The following ADCY1 variants were observed in gnomAD, a reference collection of about 807,000 sequenced individuals.
ADCY1 encodes the protein adenylate cyclase 1, also known as adenylate cyclase type 1.
ADCY1 carries 28 observed loss-of-function variants against 105.4 expected under a neutral mutation model. That is an observed-to-expected ratio of 0.27 (90% confidence interval 0.20 to 0.36). ADCY1 has a LOEUF of 0.36. ADCY1 is among the 10% of genes least tolerant of loss of function. ADCY1 has a pLI of 1.00. For synonymous variants in ADCY1, 655 were observed against 623.8 expected, an observed-to-expected ratio of 1.05 and a Z score of -0.75; for missense variants, 977 against 1,434.2, an observed-to-expected ratio of 0.68 and a Z score of 5.15.
intron 14 of ADCY1, among the ~76,000 whole-genome samples, chr7:45,688,591 G>T (rs1403227051): frequency 6.6e-6 from 1 of 152,220 alleles, no homozygotes; most frequent in Non-Finnish European, 1.5e-5. Context: ...TATTTAAAGT[G>T]ATGGAAATTA....
rs555277758 is a variant in ADCY1, at chr7:45,581,833, A to T, written c.639+6651A>T. Among the ~76,000 whole-genome samples the T allele has an allele frequency of 9.2e-5, 14 of 152,270 alleles. No homozygotes were observed. In the East Asian group the frequency reaches 1.5e-3, roughly 17 times the overall value. Reference sequence around the variant, plus strand: ...TGCTCATGCATAAACACATGCTCATACACACACATAAACACACACACATAC... The same window carrying T: ...TGCTCATGCATAAACACATGCTCATTCACACACATAAACACACACACATAC... On this transcript the variant is annotated intron_variant, in intron 1 of 19. Coordinates refer to ENST00000297323, the MANE Select transcript of ADCY1 (RefSeq NM_021116.4).
At chr7:45,689,884 C>T (rs761090825) in intron 14 of ADCY1, among the ~76,000 whole-genome samples, 17 of 152,252 alleles carry the variant, frequency 1.1e-4, no homozygotes, top group Middle Eastern at 3.4e-3. Context: ...GGGAAAGGGA[C>T]GAGGAACATG....
chr7:45,682,450 G>A (rs1784577744), intron 11 of ADCY1, among the ~76,000 whole-genome samples: 2 of 152,130 alleles, frequency 1.3e-5, no homozygotes, highest in African/African-American at 4.8e-5. Flanking sequence ...CAGGAGGTGT[G>A]CACTGGCTGG....
intron 1 of ADCY1, among the ~76,000 whole-genome samples, chr7:45,578,901 G>C (rs1792433121): frequency 6.6e-6 from 1 of 152,188 alleles, no homozygotes; most frequent in Non-Finnish European, 1.5e-5. Flanking sequence ...GAAGTAGTAG[G>C]GATCCATTGC....
intron 5 of ADCY1, among the ~76,000 whole-genome samples, chr7:45,650,360 A>G (rs1411686350): frequency 6.6e-6 from 1 of 152,138 alleles, no homozygotes; most frequent in Non-Finnish European, 1.5e-5. Flanking sequence ...ATCATATGCT[A>G]TTTGTGTGTA....
chr7:45,672,471 TTTCTTCGA>T (rs1784384973), intron 8 of ADCY1, among the ~76,000 whole-genome samples: 2 of 152,258 alleles, frequency 1.3e-5, no homozygotes, highest in South Asian at 4.1e-4. Context: ...TTATTTAGAT[TTTCTTCGA>T]TTCCTTACAT....
At chr7:45,683,029 G>A (rs1318222454) in intron 11 of ADCY1, among the ~76,000 whole-genome samples, 2 of 152,052 alleles carry the variant, frequency 1.3e-5, no homozygotes, top group African/African-American at 2.4e-5. Context: ...ATCATCTCCC[G>A]AAGTGCCACA....
At chr7:45,687,623 GTCT>G (rs1348362545) in intron 14 of ADCY1, among the ~76,000 whole-genome samples, 1 of 152,238 alleles carries the variant, frequency 6.6e-6, no homozygotes, top group Admixed American at 6.5e-5. Context: ...GCAAGAGATA[GTCT>G]TCTTATTTTG....
At chr7:45,685,838 G>C (rs1215398548) in intron 12 of ADCY1, 124 bp from the exon 13 acceptor site, 1 of 1,221,958 alleles carries the variant, frequency 8.2e-7, no homozygotes, top group Non-Finnish European at 1.1e-6. Flanking sequence ...TGGTGTGATA[G>C]CACTGGGGGT....
chr7:45,704,945 A>AC (rs1262947928), intron 17 of ADCY1, among the ~76,000 whole-genome samples: 1 of 16,564 alleles, frequency 6.0e-5, no homozygotes, highest in Non-Finnish European at 1.3e-4. Context: ...ACCAGCCCCC[A>AC]CCTTCCTCCC....
At chr7:45,682,490 G>C (rs527917922) in intron 11 of ADCY1, among the ~76,000 whole-genome samples, 1 of 152,064 alleles carries the variant, frequency 6.6e-6, no homozygotes, top group Non-Finnish European at 1.5e-5. Context: ...GGGGCAGGCC[G>C]AGGTCAAGGC....
rs1584253533 is a variant in ADCY1, at chr7:45,591,977, T to C, written c.640-782T>C. 6.6e-6 allele frequency among the ~76,000 whole-genome samples: 1 copy of C among 152,044 alleles called. No homozygotes were observed. Among genetic ancestry groups the C allele is most frequent in the Non-Finnish European group, 1.5e-5 (1 of 68,028 alleles). ...AAGGGAGAGTGCAGAGACCGGGCTC[T>C]GGACACTGCGTTTCCCCATCTTGTG... On this transcript the variant is annotated intron_variant, in intron 1 of 19. Transcript: ENST00000297323. This position sits in a 1 kb window ranked among gnomAD's most constrained non-coding sequence, Gnocchi z 4.1.
At chr7:45,596,054 C>T (rs889229953) in intron 2 of ADCY1, among the ~76,000 whole-genome samples, 2 of 152,232 alleles carry the variant, frequency 1.3e-5, no homozygotes, top group African/African-American at 4.8e-5. Flanking sequence ...TACACAGGCA[C>T]TTTGCCCCTC....
chr7:45,669,262 C>T (rs1319012327), intron 8 of ADCY1, among the ~76,000 whole-genome samples: 1 of 152,108 alleles, frequency 6.6e-6, no homozygotes, highest in African/African-American at 2.4e-5. Flanking sequence ...CTCTTGTGGA[C>T]ATTTAGTGCT....
intron 14 of ADCY1, among the ~76,000 whole-genome samples, chr7:45,690,260 G>A (rs376151895): frequency 6.6e-6 from 1 of 152,118 alleles, no homozygotes; most frequent in Non-Finnish European, 1.5e-5. Context: ...GGCTGAGAGC[G>A]GAGGGCACAC....
chr7:45,629,212 A>G (rs1212387808), intron 4 of ADCY1, among the ~76,000 whole-genome samples: 1 of 152,196 alleles, frequency 6.6e-6, no homozygotes, highest in African/African-American at 2.4e-5. Context: ...AGCAATATGT[A>G]CTCTACATTG....
In ADCY1 at chr7:45,713,871, G is replaced by C. The variant is rs1785313045; in HGVS notation, c.3236G>C (p.Arg1079Thr). Residue 1079 changes from arginine (R) to threonine (T), a missense_variant, in exon 20 of 20, where the codon AGA becomes ACA. Arg to Thr is a moderately conservative substitution (Grantham distance 71). This residue lies in a region of ADCY1 where 78 missense variants were observed against 60.0 expected (regional missense o/e 1.30). Coordinates refer to ENST00000297323, the MANE Select transcript of ADCY1 (RefSeq NM_021116.4). ...GATCGGAAAATGTGTCCATTTGGGA[G>C]AGCTGGCCTTCAGGGCAGACGTCCC... ...GLDRKMCPFG[R>T]AGLQGRRPPV... 1 of 780,708 alleles carries C rather than the reference G, an allele frequency of 1.3e-6. No homozygotes were observed. Among genetic ancestry groups the C allele is most frequent in the African/African-American group, 1.7e-5 (1 of 59,172 alleles). The allele number at this position is 780,708 out of a possible 1,614,324, so 48.4% of individuals were successfully genotyped here. A position where few individuals can be genotyped will look rare whatever the true frequency, so the allele number is the denominator to read the frequency against.
chr7:45,623,994 G>A (rs1793979676), intron 4 of ADCY1, among the ~76,000 whole-genome samples: 1 of 152,222 alleles, frequency 6.6e-6, no homozygotes, highest in Non-Finnish European at 1.5e-5. Context: ...GGTGGTCAGG[G>A]AGGGGCGCTG....
chr7:45,637,815 A>G (rs1311827389), intron 4 of ADCY1, among the ~76,000 whole-genome samples: 1 of 152,030 alleles, frequency 6.6e-6, no homozygotes, highest in Non-Finnish European at 1.5e-5. Flanking sequence ...CTTCAGAAAG[A>G]CTCTATTTTG....
Sources: gnomAD v4.1 joint callset for allele counts (sites outside exome capture counted in the v4.1 genomes callset) on GRCh38, gnomAD v4.1.1 for gene constraint, gnomAD v4.1.1 regional missense constraint, Gnocchi (gnomAD v3.1) non-coding constraint, MANE v1.5 for transcripts, NCBI Gene and HGNC (gene_info 2026-07-23, HGNC 2026-07-21) for gene names.